Variants in PCID2 observed in about 807,000 individuals in gnomAD.
The protein encoded by PCID2 is PCI domain-containing protein 2.
PCID2 carries 41 observed loss-of-function variants against 61.3 expected under a neutral mutation model. The observed-to-expected ratio is 0.67, with a 90% confidence interval of 0.52 to 0.87. PCID2 has a LOEUF of 0.87. Ranked by LOEUF, PCID2 falls within the 40% of genes least tolerant of loss-of-function variation. The pLI, the probability that PCID2 is intolerant of heterozygous loss-of-function variation, is 0.00. For missense variants in PCID2, 392 were observed against 493.4 expected (o/e 0.79, Z 1.95); for synonymous variants, 187 against 177.8 (o/e 1.05, Z -0.41).
Position 113,190,990 on chromosome 13 carries a change from G to A in PCID2, c.364-15C>T. 1 of 1,574,766 alleles carries A rather than the reference G, an allele frequency of 6.4e-7. No individual in the cohort carries two copies. The highest frequency in any genetic ancestry group is 8.7e-7 in the Non-Finnish European group (1 of 1,145,742). ...TGTTGATCTGCCTAATAAAATATAAGAACTTTTATTTCATTTTTCCGAAGC... is the reference window on the plus strand; with the variant it reads ...TGTTGATCTGCCTAATAAAATATAAAAACTTTTATTTCATTTTTCCGAAGC... On this transcript the variant is annotated splice_polypyrimidine_tract_variant and intron_variant, in intron 6 of 13. Transcript: ENST00000337344.
chr13:113,181,997 G>C (rs576217803), intron 9 of PCID2, among the ~76,000 whole-genome samples: 2 of 152,296 alleles, frequency 1.3e-5, no homozygotes, highest in South Asian at 4.1e-4. Flanking sequence ...ATTCTCCCTA[G>C]GTGAAGAGAA....
intron 1 of PCID2, among the ~76,000 whole-genome samples, chr13:113,204,944 G>A (rs1376510488): frequency 2.0e-5 from 3 of 152,124 alleles, no homozygotes; most frequent in Non-Finnish European, 2.9e-5. Context: ...CCCAGGCCTG[G>A]CTCACCAGGG....
the PCID2 span, chr13:113,166,274 T>C: frequency 6.6e-6 from 1 of 152,258 alleles, no homozygotes; most frequent in Non-Finnish European, 1.5e-5. Context: ...ATGTAATGAA[T>C]ATAAACATTA....
intron 9 of PCID2, among the ~76,000 whole-genome samples, chr13:113,182,517 T>C (rs187119757): frequency 7.7e-4 from 117 of 152,302 alleles, no homozygotes; most frequent in South Asian, 1.9e-3. Flanking sequence ...TTTTTCTTTT[T>C]TGAGATGGAG....
chr13:113,194,531 T>C (rs1453264733), intron 6 of PCID2, among the ~76,000 whole-genome samples: 3 of 152,290 alleles, frequency 2.0e-5, no homozygotes, highest in African/African-American at 7.2e-5. Context: ...GCATCCTGAC[T>C]GGAACTGAAG....
chr13:113,198,095 T>C (rs911711216), intron 3 of PCID2, 96 bp downstream of exon 3: 3 of 818,734 alleles, frequency 3.7e-6, no homozygotes, highest in Non-Finnish European at 4.0e-6. Flanking sequence ...AAGTCAGTTA[T>C]TCACTGCTTC....
intron 6 of PCID2, among the ~76,000 whole-genome samples, chr13:113,192,982 G>A (rs1008413590): frequency 1.3e-5 from 2 of 152,116 alleles, no homozygotes; most frequent in African/African-American, 4.8e-5. Flanking sequence ...GCCAGGAAGC[G>A]GCCCTCTTCA....
chr13:113,166,743 C>T, the PCID2 span, among the ~76,000 whole-genome samples: 12 of 152,216 alleles, frequency 7.9e-5, no homozygotes, highest in East Asian at 9.6e-4. Flanking sequence ...GCTGTCTGCC[C>T]CATGAGTGCG....
In PCID2 at chr13:113,178,153, T is replaced by A; in HGVS notation, c.*45A>T. 6.9e-7 allele frequency: 1 copy of A among 1,458,794 alleles called. No individual in the cohort carries two copies. The allele number at this position is 1,458,794 out of a possible 1,614,324, so 90.4% of individuals were successfully genotyped here. A position where few individuals can be genotyped will look rare whatever the true frequency, so the allele number is the denominator to read the frequency against. On this transcript the variant is annotated 3_prime_UTR_variant, in exon 14 of 14. Transcript: ENST00000337344. ...ACCGGTCTCATCAGCACAACCAAAGTGGAAAGAAACAACTGCTCACCCGTC... is the reference window on the plus strand; with the variant it reads ...ACCGGTCTCATCAGCACAACCAAAGAGGAAAGAAACAACTGCTCACCCGTC...
chr13:113,196,188 C>A lies in PCID2; in HGVS notation c.301G>T (p.Glu101Ter). 6.2e-7 allele frequency: 1 copy of A among 1,605,670 alleles called. No homozygotes were observed. Among genetic ancestry groups the A allele is most frequent in the Non-Finnish European group, 8.5e-7 (1 of 1,173,624 alleles). Residue 101 changes from glutamate to a stop codon, truncating the protein, a stop_gained, in exon 5 of 14, where the codon GAA becomes TAA. Transcript: ENST00000337344. LOFTEE classifies it high-confidence loss of function. Reference sequence around the variant, plus strand: ...GTTTCTGTTCACACTTACCAGTTTTCTTCTTTGTGGGCCTGGAATGCTCGC... The same window carrying A: ...GTTTCTGTTCACACTTACCAGTTTTATTCTTTGTGGGCCTGGAATGCTCGC... ...FLRAFQAHKE[E>*]NWALPVMYAV...
chr13:113,202,870 G>A (rs1161772334), intron 1 of PCID2, among the ~76,000 whole-genome samples: 1 of 152,090 alleles, frequency 6.6e-6, no homozygotes, highest in African/African-American at 2.4e-5. Flanking sequence ...AAATAAAATA[G>A]AAAGACAAAC....
chr13:113,200,847 CT>C (rs2039377739), intron 1 of PCID2, among the ~76,000 whole-genome samples: 1 of 151,918 alleles, frequency 6.6e-6, no homozygotes, highest in Admixed American at 6.6e-5. Context: ...CTTTGTGAGG[CT>C]GAGGAAGGAC....
rs1000741267 is a variant in PCID2 at position 113,177,724 on chromosome 13, T to C, written c.*474A>G. ...TTTAAATCAAATTAAATTCTGCTTT[T>C]AAAAAGGTGCCTTAAGTTAACCAAG... On this transcript the variant is annotated 3_prime_UTR_variant, in exon 14 of 14. Coordinates refer to ENST00000337344, the MANE Select transcript of PCID2 (RefSeq NM_001127202.4). 6.6e-6 allele frequency: 1 copy of C among 152,268 alleles called. No homozygotes were observed. The highest frequency in any genetic ancestry group is 2.4e-5 in the African/African-American group (1 of 41,450). The allele number at this position is 152,268 out of a possible 1,614,324, so 9.4% of individuals were successfully genotyped here. A position where few individuals can be genotyped will look rare whatever the true frequency, so the allele number is the denominator to read the frequency against.
rs533051612 is a variant in PCID2 at position 113,202,762 on chromosome 13, G to T, written c.37-2246C>A. Among the ~76,000 whole-genome samples the T allele has an allele frequency of 3.6e-4, 55 of 152,310 alleles. 1 individual carries two copies. Among genetic ancestry groups the T allele is most frequent in the Middle Eastern group, 3.4e-3 (1 of 294 alleles). ...GGAGAAGGCAGAATCTAATGCAAAT[G>T]ATTATCTTTCTAGAGAGGGGGGTGG... On this transcript the variant is annotated intron_variant, in intron 1 of 13. Coordinates refer to ENST00000337344, the MANE Select transcript of PCID2 (RefSeq NM_001127202.4).
chr13:113,201,570 G>A (rs575707680), intron 1 of PCID2, among the ~76,000 whole-genome samples: 5 of 152,206 alleles, frequency 3.3e-5, no homozygotes, highest in African/African-American at 9.6e-5. Flanking sequence ...CCAGCACTTT[G>A]GGAGGCCGAG....
intron 1 of PCID2, among the ~76,000 whole-genome samples, chr13:113,203,134 G>T (rs573268964): frequency 7.9e-5 from 12 of 152,360 alleles, no homozygotes; most frequent in African/African-American, 2.4e-4. Flanking sequence ...GAGCAGCACT[G>T]GCACAGAGCA....
chr13:113,180,319 A>T, intron 10 of PCID2, 88 bp from the exon 11 acceptor site: 8 of 999,736 alleles, frequency 8.0e-6, no homozygotes, highest in Non-Finnish European at 1.3e-5. Context: ...TTAAGTTTTA[A>T]GAAAATTGCA....
At chr13:113,170,547 G>A in the PCID2 span, 1 of 1,443,570 alleles carries the variant, frequency 6.9e-7, no homozygotes, top group Non-Finnish European at 9.8e-7. Context: ...ATTTTATCAT[G>A]AGTTTTTATA....
At chr13:113,193,814 T>G (rs762711907) in intron 6 of PCID2, among the ~76,000 whole-genome samples, 2 of 152,228 alleles carry the variant, frequency 1.3e-5, no homozygotes, top group Non-Finnish European at 2.9e-5. Flanking sequence ...TGTTCTAAAT[T>G]GCTTGCTGAA....
Sources: gnomAD v4.1 joint callset for allele counts (sites outside exome capture counted in the v4.1 genomes callset) on GRCh38, gnomAD v4.1.1 for gene constraint, MANE v1.5 for transcripts, NCBI Gene and HGNC (gene_info 2026-07-23, HGNC 2026-07-21) for gene names.